The following PCID2 variants were observed in gnomAD, a reference collection of about 807,000 sequenced individuals.
PCID2 encodes PCI domain containing 2, also known as PCI domain-containing protein 2.
Under a neutral mutation model 61.3 loss-of-function variants are expected in PCID2, and 41 were observed. That is an observed-to-expected ratio of 0.67 (90% CI 0.52 to 0.87). PCID2 has a LOEUF of 0.87. Ranked by LOEUF, PCID2 falls within the 40% of genes least tolerant of loss-of-function variation. The pLI, the probability that PCID2 is intolerant of heterozygous loss-of-function variation, is 0.00. For missense variants in PCID2, 392 were observed against 493.4 expected (o/e 0.79, Z 1.95); for synonymous variants, 187 against 177.8 (o/e 1.05, Z -0.41).
intron 1 of PCID2, among the ~76,000 whole-genome samples, chr13:113,206,791 T>C (rs1043552686): frequency 2.0e-5 from 3 of 152,242 alleles, no homozygotes; most frequent in African/African-American, 4.8e-5. Context: ...CCCCAGTGGC[T>C]ACACTGCCCT....
chr13:113,191,491 T>C (rs939607972), intron 6 of PCID2, among the ~76,000 whole-genome samples: 3 of 152,250 alleles, frequency 2.0e-5, no homozygotes, highest in African/African-American at 7.2e-5. Context: ...CTTCAATTAT[T>C]TCAAGTTAAG....
rs1386833936 is a variant in PCID2, at chr13:113,177,733, G to A, written c.*465C>T. 1 of 152,284 alleles carries A rather than the reference G, an allele frequency of 6.6e-6. No individual in the cohort carries two copies. The highest frequency in any genetic ancestry group is 1.5e-5 in the Non-Finnish European group (1 of 68,132). The allele number at this position is 152,284 out of a possible 1,614,324, so 9.4% of individuals were successfully genotyped here. ...AATTAAATTCTGCTTTTAAAAAGGT[G>A]CCTTAAGTTAACCAAGCATTTTGAT... On this transcript the variant is annotated 3_prime_UTR_variant, in exon 14 of 14. Coordinates refer to ENST00000337344, the MANE Select transcript of PCID2 (RefSeq NM_001127202.4).
chr13:113,196,363 GA>G, intron 4 of PCID2, 141 bp from the exon 5 acceptor site: 3 of 593,168 alleles, frequency 5.1e-6, no homozygotes, highest in Admixed American at 5.1e-5. Context: ...GTTCTTGAAG[GA>G]AAAAAGGTAT....
At chr13:113,204,521 A>G (rs1167779749) in intron 1 of PCID2, among the ~76,000 whole-genome samples, 1 of 152,152 alleles carries the variant, frequency 6.6e-6, no homozygotes, top group Non-Finnish European at 1.5e-5. Flanking sequence ...TGGTCCCTGC[A>G]CATATGCAGG....
intron 9 of PCID2, among the ~76,000 whole-genome samples, chr13:113,182,595 G>C (rs1486221147): frequency 3.9e-5 from 6 of 152,172 alleles, no homozygotes; most frequent in Non-Finnish European, 7.3e-5. Context: ...CGCCTCCCGG[G>C]TTCACGTCAT....
At chr13:113,207,699 G>C (rs1381059593) in intron 1 of PCID2, among the ~76,000 whole-genome samples, 1 of 152,184 alleles carries the variant, frequency 6.6e-6, no homozygotes. Flanking sequence ...CAGCTATCAA[G>C]TACGTATCTT....
chr13:113,206,968 T>C (rs1355439016), intron 1 of PCID2, among the ~76,000 whole-genome samples: 1 of 152,222 alleles, frequency 6.6e-6, no homozygotes, highest in Non-Finnish European at 1.5e-5. Flanking sequence ...TCTGTCTGTT[T>C]AAACTTCAGT....
rs912760504 is a variant in PCID2, at chr13:113,182,936, A to G, written c.685+1410T>C. Among the ~76,000 whole-genome samples the G allele has an allele frequency of 1.3e-5, 2 of 152,244 alleles. 1 individual carries two copies. Among genetic ancestry groups the G allele is most frequent in the South Asian group, 4.1e-4 (2 of 4,838 alleles). On this transcript the variant is annotated intron_variant, in intron 9 of 13. Coordinates refer to ENST00000337344, the MANE Select transcript of PCID2 (RefSeq NM_001127202.4). ...AATCTCTGAAATTAATAAATTAATA[A>G]AAGTATACATACAACAACTGAGATA... is the stretch of plus-strand genomic sequence containing the variant.
intron 9 of PCID2, chr13:113,183,971 C>T (rs936490412): frequency 2.0e-6 from 2 of 985,156 alleles, no homozygotes. Flanking sequence ...GTCATGAAGT[C>T]AGTCGCTGAA....
At chr13:113,196,838 G>C (rs1255387270) in intron 4 of PCID2, among the ~76,000 whole-genome samples, 1 of 152,190 alleles carries the variant, frequency 6.6e-6, no homozygotes, top group Non-Finnish European at 1.5e-5. Context: ...ATCTCTGCCT[G>C]AATTCTGGAT....
At position 113,184,455 on chromosome 13, in the gene PCID2, A is replaced by G. The variant is rs757681635; in HGVS notation, c.576T>C (p.Ile192=). The G allele has an allele frequency of 2.5e-6, 4 of 1,589,162 alleles. No individual in the cohort carries two copies. The highest frequency in any genetic ancestry group is 2.6e-6 in the Non-Finnish European group (3 of 1,157,130). Reference sequence around the variant, plus strand: ...TCAGGTTTGAGCTGTCAATTGCTCTAATTAGGGGTTTACATAAATGGAGTT... The same window carrying G: ...TCAGGTTTGAGCTGTCAATTGCTCTGATTAGGGGTTTACATAAATGGAGTT... ...INKLHLCKPL[I]RAIDSSNLKD... is the part of the protein sequence containing the mutation. The change falls in exon 9 of 14, where the codon ATT becomes ATC. Residue 192 remains isoleucine (I), a synonymous_variant. Coordinates refer to ENST00000337344, the MANE Select transcript of PCID2 (RefSeq NM_001127202.4).
chr13:113,201,266 T>C (rs551595619), intron 1 of PCID2, among the ~76,000 whole-genome samples: 42 of 151,798 alleles, frequency 2.8e-4, no homozygotes, highest in African/African-American at 1.0e-3. Flanking sequence ...ATGTCCACAA[T>C]ATGATGATTA....
At position 113,196,170 on chromosome 13, in the gene PCID2, T is replaced by C. The variant is rs760885086; in HGVS notation, c.308+11A>G. On this transcript the variant is annotated intron_variant, in intron 5 of 13. Coordinates refer to ENST00000337344, the MANE Select transcript of PCID2 (RefSeq NM_001127202.4). The stretch of plus-strand genomic sequence containing the variant: ...CCATTTGCTAATTCAGCTGTTTCTG[T>C]TCACACTTACCAGTTTTCTTCTTTG... The C allele has an allele frequency of 1.9e-6, 3 of 1,602,782 alleles. No individual in the cohort carries two copies. The highest frequency in any genetic ancestry group is 1.7e-4 in the Middle Eastern group (1 of 6,054).
At chr13:113,208,242 C>T in intron 1 of PCID2, 6 of 1,454,386 alleles carry the variant, frequency 4.1e-6, no homozygotes, top group African/African-American at 1.6e-5. Context: ...CACAGCACCG[C>T]CCACAGCGGG....
Position 113,180,234 on chromosome 13 carries a change from A to G in PCID2, c.787-3T>C. 6.2e-7 allele frequency: 1 copy of G among 1,608,694 alleles called. No individual in the cohort carries two copies. On this transcript the variant is annotated splice_polypyrimidine_tract_variant and splice_region_variant and intron_variant, in intron 10 of 13. Coordinates refer to ENST00000337344, the MANE Select transcript of PCID2 (RefSeq NM_001127202.4). The stretch of plus-strand genomic sequence containing the variant: ...AGCTCCACAGTGGGCATGTGACCCT[A>G]AGAGTCAATTTTCCAGAATGAAAAT...
downstream of PCID2, among the ~76,000 whole-genome samples, chr13:113,175,229 G>C (rs2037168534): frequency 6.6e-6 from 1 of 152,090 alleles, no homozygotes; most frequent in South Asian, 2.1e-4. Flanking sequence ...ACAGAGGCCT[G>C]AACACCAAGA....
intron 7 of PCID2, chr13:113,186,816 C>T (rs918955412): frequency 2.0e-5 from 3 of 152,210 alleles, no homozygotes; most frequent in African/African-American, 4.8e-5. Context: ...TTACGAAGTA[C>T]ACTCTGTGGT....
the PCID2 span, among the ~76,000 whole-genome samples, chr13:113,168,187 GA>G: frequency 1.3e-5 from 2 of 152,076 alleles, no homozygotes; most frequent in African/African-American, 4.8e-5. Context: ...AAAGAATAAG[GA>G]AAAAAACCTT....
chr13:113,173,698 G>C (rs959932605), downstream of PCID2, among the ~76,000 whole-genome samples: 3 of 152,164 alleles, frequency 2.0e-5, no homozygotes, highest in African/African-American at 7.2e-5. Context: ...CAAATTAATG[G>C]GGAGGGCAGT....
Sources: gnomAD v4.1 joint callset for allele counts (sites outside exome capture counted in the v4.1 genomes callset) on GRCh38, gnomAD v4.1.1 for gene constraint, MANE v1.5 for transcripts, NCBI Gene and HGNC (gene_info 2026-07-23, HGNC 2026-07-21) for gene names.